Variants in GPC6 observed in about 807,000 individuals in gnomAD.
GPC6 encodes the protein glypican-6.
A neutral mutation model predicts 55.2 loss-of-function variants in GPC6; 14 were observed. That is an observed-to-expected ratio of 0.25 (90% CI 0.17 to 0.40). The LOEUF is 0.40. Among genes scored for constraint, GPC6 ranks in the 10% least tolerant of loss-of-function variants. The pLI is 1.00. For missense variants in GPC6, 641 were observed against 708.5 expected (o/e 0.90, Z 1.08); for synonymous variants, 278 against 259.6 (o/e 1.07, Z -0.68).
intron 3 of GPC6, among the ~76,000 whole-genome samples, chr13:93,923,612 T>G (rs1343103584): frequency 1.3e-5 from 2 of 152,214 alleles, no homozygotes; most frequent in African/African-American, 4.8e-5. Flanking sequence ...AATTTGAGTC[T>G]TAATTTGCTC....
intron 2 of GPC6, among the ~76,000 whole-genome samples, chr13:93,731,114 G>T (rs1883804933): frequency 6.6e-6 from 1 of 152,088 alleles, no homozygotes; most frequent in African/African-American, 2.4e-5. Flanking sequence ...GAAGGAAAAG[G>T]TTACCGAAGA....
chr13:93,645,942 A>C (rs1016493432), intron 2 of GPC6, among the ~76,000 whole-genome samples: 2 of 152,122 alleles, frequency 1.3e-5, no homozygotes, highest in Non-Finnish European at 2.9e-5. Flanking sequence ...CCCTCCCCAG[A>C]TATACACAGT....
At chr13:93,234,590 C>G (rs936835261) in intron 1 of GPC6, among the ~76,000 whole-genome samples, 1 of 152,108 alleles carries the variant, frequency 6.6e-6, no homozygotes, top group South Asian at 2.1e-4. Context: ...TCAAGAAATA[C>G]TTAGTAGGTG....
At chr13:94,152,123 A>G (rs555500522) in intron 4 of GPC6, among the ~76,000 whole-genome samples, 43 of 152,250 alleles carry the variant, frequency 2.8e-4, no homozygotes, top group African/African-American at 9.6e-4. Flanking sequence ...TTGGCACTCT[A>G]TGGCAGCCAC....
intron 3 of GPC6, among the ~76,000 whole-genome samples, chr13:93,956,583 T>G (rs1879517036): frequency 6.6e-6 from 1 of 152,216 alleles, no homozygotes; most frequent in Admixed American, 6.5e-5. Context: ...CTTTCCACTT[T>G]CGCCCCAATC....
intron 2 of GPC6, among the ~76,000 whole-genome samples, chr13:93,728,367 A>T (rs569048581): frequency 2.0e-5 from 3 of 150,660 alleles, no homozygotes; most frequent in Admixed American, 2.0e-4. Flanking sequence ...CAGGCCTACC[A>T]CCACGCCTGG....
At chr13:93,819,811 A>G (rs1886981647) in intron 2 of GPC6, among the ~76,000 whole-genome samples, 1 of 152,210 alleles carries the variant, frequency 6.6e-6, no homozygotes, top group African/African-American at 2.4e-5. Context: ...TGGCCTAATC[A>G]GTCTTTCTTA....
chr13:93,391,902 T>TG (rs1307021423), intron 1 of GPC6, among the ~76,000 whole-genome samples: 1 of 152,132 alleles, frequency 6.6e-6, no homozygotes, highest in African/African-American at 2.4e-5. Context: ...TTAAAAAGGA[T>TG]GGGGGGTTAT....
rs17234656 is a variant in GPC6 at position 93,544,600 on chromosome 13, T to C, written c.161-663T>C. On this transcript the variant is annotated intron_variant, in intron 1 of 8. Transcript: ENST00000377047. Reference sequence around the variant, plus strand: ...AATAGCACTAAAGAAAGCAGTGTTGTCGAAAGCAGTAGATAGATCTGTTGA... The same window carrying C: ...AATAGCACTAAAGAAAGCAGTGTTGCCGAAAGCAGTAGATAGATCTGTTGA... Among the ~76,000 whole-genome samples the C allele has an allele frequency of 4.2e-3, 644 of 152,348 alleles. 26 individuals carry two copies. In the East Asian group the frequency reaches 0.1, roughly 24 times the overall value.
chr13:94,112,507 T>TA (rs1886285394), intron 4 of GPC6, among the ~76,000 whole-genome samples: 1 of 152,156 alleles, frequency 6.6e-6, no homozygotes, highest in South Asian at 2.1e-4. Flanking sequence ...CCTTAAAACT[T>TA]ATGTTACACA....
intron 1 of GPC6, among the ~76,000 whole-genome samples, chr13:93,269,891 CAAAAAAAAAAAAA>C (rs529558741): frequency 7.6e-5 from 4 of 52,600 alleles, no homozygotes; most frequent in Non-Finnish European, 1.5e-4. Context: ...GACTCCATCT[CAAAAAAAAAAAAA>C]AAAAAAAAAG....
chr13:94,079,999 A>G (rs1043740458), intron 4 of GPC6, among the ~76,000 whole-genome samples: 4 of 152,232 alleles, frequency 2.6e-5, no homozygotes, highest in Admixed American at 1.3e-4. Flanking sequence ...TTAATGAGTC[A>G]TAAGAAATGC....
chr13:94,301,391 C>T (rs1332291478), intron 5 of GPC6, among the ~76,000 whole-genome samples: 1 of 151,526 alleles, frequency 6.6e-6, no homozygotes, highest in South Asian at 2.1e-4. Flanking sequence ...AGTGAGACCC[C>T]GTCTCTAAAA....
intron 5 of GPC6, among the ~76,000 whole-genome samples, chr13:94,287,447 G>A (rs1484153819): frequency 2.0e-5 from 3 of 152,154 alleles, no homozygotes; most frequent in Admixed American, 6.6e-5. Context: ...ACATTGCAGA[G>A]CAAGAAAAAG....
chr13:94,226,668 G>A (rs1345001816), intron 4 of GPC6, among the ~76,000 whole-genome samples: 3 of 152,074 alleles, frequency 2.0e-5, no homozygotes, highest in Admixed American at 6.6e-5. Context: ...ACTGCATGAC[G>A]GTTTCTTATC....
intron 1 of GPC6, among the ~76,000 whole-genome samples, chr13:93,470,034 T>A (rs771033237): frequency 1.8e-4 from 27 of 152,310 alleles, no homozygotes; most frequent in African/African-American, 5.8e-4. Context: ...ACAGGAAGAC[T>A]TGAAATTGGA....
chr13:93,429,897 G>A (rs774964960), intron 1 of GPC6, among the ~76,000 whole-genome samples: 21 of 152,040 alleles, frequency 1.4e-4, no homozygotes, highest in Non-Finnish European at 2.8e-4. Flanking sequence ...GTTACCTATG[G>A]AAACAGTTGC....
At chr13:93,654,261 A>G (rs1290083277) in intron 2 of GPC6, among the ~76,000 whole-genome samples, 2 of 151,834 alleles carry the variant, frequency 1.3e-5, no homozygotes, top group Non-Finnish European at 2.9e-5. Flanking sequence ...ATTACTATTT[A>G]TTTATTTTTT....
At chr13:93,455,946 C>A (rs1005098740) in intron 1 of GPC6, among the ~76,000 whole-genome samples, 1 of 152,112 alleles carries the variant, frequency 6.6e-6, no homozygotes, top group Non-Finnish European at 1.5e-5. Context: ...AAATAAAGTT[C>A]TCTTTATTTA....
Sources: gnomAD v4.1 joint callset for allele counts (sites outside exome capture counted in the v4.1 genomes callset) on GRCh38, gnomAD v4.1.1 for gene constraint, MANE v1.5 for transcripts, NCBI Gene and HGNC (gene_info 2026-07-23, HGNC 2026-07-21) for gene names.